ERBIN: variants seen among roughly 807,000 people sequenced by gnomAD.
The protein encoded by ERBIN is densin-180-like protein.
Under a neutral mutation model 158.4 loss-of-function variants are expected in ERBIN, and 60 were observed. The observed-to-expected ratio is 0.38, with a 90% CI of 0.31 to 0.47. ERBIN has a LOEUF of 0.47. ERBIN is among the 20% of genes least tolerant of loss of function. The probability of loss-of-function intolerance (pLI) is 0.99; values close to 1 mark genes in which losing one functional copy is unlikely to be tolerated. For missense variants in ERBIN, 1,610 were observed against 1,648.0 expected (o/e 0.98, Z 0.40); for synonymous variants, 594 against 557.2 (o/e 1.07, Z -0.93).
chr5:66,074,396 T>C (rs2151304801), intron 22 of ERBIN, among the ~76,000 whole-genome samples: 1 of 145,944 alleles, frequency 6.9e-6, no homozygotes, highest in East Asian at 2.1e-4. Context: ...TTTTTATGGC[T>C]AATAGTCTAT....
chr5:65,957,316 C>T (rs902664510), intron 1 of ERBIN, among the ~76,000 whole-genome samples: 1 of 151,834 alleles, frequency 6.6e-6, no homozygotes, highest in Non-Finnish European at 1.5e-5. Context: ...GGTCAGCAGA[C>T]AAACAAGTGA....
intron 4 of ERBIN, among the ~76,000 whole-genome samples, chr5:66,008,567 C>A (rs1423133047): frequency 6.6e-6 from 1 of 152,074 alleles, no homozygotes; most frequent in Non-Finnish European, 1.5e-5. Flanking sequence ...AAATTGTTCT[C>A]CATATGGTAT....
chr5:65,985,515 TTGCAATTACAGCCAAGA>T (rs769058071), intron 1 of ERBIN, among the ~76,000 whole-genome samples: 21 of 152,202 alleles, frequency 1.4e-4, no homozygotes, highest in Admixed American at 2.6e-4. Context: ...AACTAGCTAG[TTGCAATTACAGCCAAGA>T]TTTGTTTTTC....
intron 21 of ERBIN, among the ~76,000 whole-genome samples, chr5:66,062,339 A>T (rs1038291500): frequency 6.6e-6 from 1 of 152,172 alleles, no homozygotes; most frequent in Admixed American, 6.5e-5. Context: ...CGCATCAGTT[A>T]CTGAGGCTTG....
At chr5:66,029,894 G>T (rs1432546374) in intron 14 of ERBIN, among the ~76,000 whole-genome samples, 1 of 151,416 alleles carries the variant, frequency 6.6e-6, no homozygotes, top group Non-Finnish European at 1.5e-5. Context: ...CCTGCCTTGG[G>T]GTCCTGTTTC....
At chr5:66,011,408 G>A (rs1754181548) in intron 4 of ERBIN, among the ~76,000 whole-genome samples, 1 of 152,158 alleles carries the variant, frequency 6.6e-6, no homozygotes, top group African/African-American at 2.4e-5. Context: ...ACAATCCTTG[G>A]CCTGTGGGGT....
At chr5:65,987,367 T>TATACACACACACACAC (rs1554053504) in intron 1 of ERBIN, among the ~76,000 whole-genome samples, 1 of 135,684 alleles carries the variant, frequency 7.4e-6, no homozygotes, top group African/African-American at 2.8e-5. Context: ...AGAGACTGTC[T>TATACACACACACACAC]ACACACACAC....
intron 1 of ERBIN, among the ~76,000 whole-genome samples, chr5:65,955,425 T>G (rs1746989770): frequency 6.6e-6 from 1 of 151,396 alleles, no homozygotes; most frequent in South Asian, 2.1e-4. Flanking sequence ...AGGTCAGGAG[T>G]TCAAGACCAG....
chr5:65,981,243 A>G (rs1750623993), intron 1 of ERBIN, among the ~76,000 whole-genome samples: 1 of 152,244 alleles, frequency 6.6e-6, no homozygotes, highest in Non-Finnish European at 1.5e-5. Context: ...ATAAATTCAG[A>G]AAAGACAGCA....
intron 20 of ERBIN, among the ~76,000 whole-genome samples, chr5:66,053,013 C>G (rs1391819017): frequency 1.3e-5 from 2 of 152,150 alleles, no homozygotes; most frequent in Non-Finnish European, 2.9e-5. Flanking sequence ...CTCCACTATT[C>G]ATGTTACTAG....
chr5:65,937,358 A>G (rs1744211125), intron 1 of ERBIN, among the ~76,000 whole-genome samples: 1 of 152,188 alleles, frequency 6.6e-6, no homozygotes, highest in Admixed American at 6.5e-5. Flanking sequence ...TGCTCCCCAA[A>G]TTTCTAACTA....
chr5:65,994,202 C>T (rs1752181808), intron 3 of ERBIN, among the ~76,000 whole-genome samples: 1 of 152,124 alleles, frequency 6.6e-6, no homozygotes, highest in South Asian at 2.1e-4. Context: ...TGTTCTTCAG[C>T]AGGCAATTTA....
intron 9 of ERBIN, among the ~76,000 whole-genome samples, chr5:66,024,016 A>AT (rs1273557658): frequency 1.3e-5 from 2 of 152,072 alleles, no homozygotes; most frequent in Non-Finnish European, 2.9e-5. Context: ...GTTTACTCCC[A>AT]TAAAAAAAAC....
At chr5:66,040,460 T>A (rs1184805383) in intron 15 of ERBIN, among the ~76,000 whole-genome samples, 1 of 151,912 alleles carries the variant, frequency 6.6e-6, no homozygotes, top group African/African-American at 2.4e-5. Flanking sequence ...CTACTAAATT[T>A]TGATTTTGAG....
chr5:66,062,644 C>G (rs1326884395), intron 21 of ERBIN, among the ~76,000 whole-genome samples: 3 of 152,178 alleles, frequency 2.0e-5, no homozygotes, highest in African/African-American at 7.2e-5. Context: ...GGTTTTTCTG[C>G]TCTGTTTTTT....
Position 65,969,035 on chromosome 5 carries a change from G to A in ERBIN, c.-57-19600G>A, listed in dbSNP as rs548697238. 1.6e-4 allele frequency among the ~76,000 whole-genome samples: 25 copies of A among 152,086 alleles called. No individual in the cohort carries two copies. In the South Asian group the frequency reaches 5.2e-3, roughly 32 times the overall value. On this transcript the variant is annotated intron_variant, in intron 1 of 25. Coordinates refer to ENST00000284037, the MANE Select transcript of ERBIN (RefSeq NM_001253697.2). Reference sequence around the variant, plus strand: ...AAAATAATGCAATACCGCGTTTAAGGGCATATAAGTGAATGAGAGTTAGTA... The same window carrying A: ...AAAATAATGCAATACCGCGTTTAAGAGCATATAAGTGAATGAGAGTTAGTA...
chr5:65,976,655 ACCCTGCGGCCTTCCGCAGTGTTTGTGT>A (rs1460913769), intron 1 of ERBIN, among the ~76,000 whole-genome samples: 2 of 150,686 alleles, frequency 1.3e-5, no homozygotes, highest in Non-Finnish European at 3.0e-5. Context: ...TAGGCAGAGG[ACCCTGCGGCCTTCCGCAGTGTTTGTGT>A]CCCTGGGTAC....
chr5:65,985,625 A>G, intron 1 of ERBIN, among the ~76,000 whole-genome samples: 1 of 152,152 alleles, frequency 6.6e-6, no homozygotes, highest in East Asian at 1.9e-4. Flanking sequence ...ACTTACGAAA[A>G]TTATCAATGA....
At chr5:66,018,623 T>C (rs553865817) in intron 7 of ERBIN, among the ~76,000 whole-genome samples, 1 of 97,942 alleles carries the variant, frequency 1.0e-5, no homozygotes, top group African/African-American at 3.4e-5. Flanking sequence ...CACACACACA[T>C]ATAGATTTTT....
Sources: allele counts gnomAD v4.1 joint callset (sites outside exome capture counted in the v4.1 genomes callset), GRCh38; gene constraint gnomAD v4.1.1; transcripts MANE v1.5; gene names NCBI Gene and HGNC (gene_info 2026-07-23, HGNC 2026-07-21).